Variants in RAB11FIP5 observed in about 807,000 individuals in gnomAD.
RAB11FIP5 encodes the protein RAB11 family interacting protein 5, also known as rab11 family-interacting protein 5.
RAB11FIP5 carries 48 observed loss-of-function variants against 85.1 expected under a neutral mutation model. The ratio of observed to expected loss-of-function variants is 0.56; its 90% CI spans 0.45 to 0.72. RAB11FIP5 has a LOEUF of 0.72. RAB11FIP5 is among the 30% of genes least tolerant of loss of function. RAB11FIP5 has a pLI of 0.00. For missense variants in RAB11FIP5, 1,491 were observed against 1,687.0 expected, an observed-to-expected ratio of 0.88 and a Z score of 2.04; for synonymous variants, 729 against 727.3, an observed-to-expected ratio of 1.00 and a Z score of -0.04.
Position 73,075,170 on chromosome 2 carries a change from T to A in RAB11FIP5, c.*351A>T, listed in dbSNP as rs930981650. ...CCTTGGGGGATAATAAAGTATGTGC[T>A]AGCAACCAGTCTTGTCCCAGATTAC... On this transcript the variant is annotated 3_prime_UTR_variant, in exon 6 of 6. Transcript: ENST00000486777. This position sits in a 1 kb window ranked among gnomAD's most constrained non-coding sequence, Gnocchi z 4.6. 2 of 560,138 alleles carry A rather than the reference T, an allele frequency of 3.6e-6. No homozygotes were observed. The highest frequency in any genetic ancestry group is 6.8e-6 in the Non-Finnish European group (2 of 295,106). 34.7% of individuals were successfully genotyped at this position (560,138 alleles called of 1,614,324 possible). A position where few individuals can be genotyped will look rare whatever the true frequency, so the allele number is the denominator to read the frequency against.
At position 73,088,349 on chromosome 2, in the gene RAB11FIP5, C is replaced by A; in HGVS notation, c.1269G>T (p.Glu423Asp). ...TGCCCTCTGGTAGCCGGGCCCCCTCCTCCTCTCCAGGGTGGCTGGCCCCAG... is the reference window on the plus strand; with the variant it reads ...TGCCCTCTGGTAGCCGGGCCCCCTCATCCTCTCCAGGGTGGCTGGCCCCAG... ...LAPGASHPGE[E>D]EGARLPEGKP... The change falls in exon 3 of 6, where the codon GAG becomes GAT. Residue 423 changes from glutamate (E) to aspartate (D), a missense_variant. This residue lies in a region of RAB11FIP5 where 1,211 missense variants were observed against 1,338.0 expected (regional missense o/e 0.91). Coordinates refer to ENST00000486777, the MANE Select transcript of RAB11FIP5 (RefSeq NM_001371272.1). The A allele has an allele frequency of 6.2e-7, 1 of 1,613,706 alleles. No homozygotes were observed. The highest frequency in any genetic ancestry group is 8.5e-7 in the Non-Finnish European group (1 of 1,180,002).
Position 73,112,356 on chromosome 2 carries a change from TG to T in RAB11FIP5, c.421del (p.Gln141SerfsTer33). The T allele has an allele frequency of 1.9e-6, 3 of 1,585,150 alleles. No individual in the cohort carries two copies. Among genetic ancestry groups the T allele is most frequent in the Non-Finnish European group, 1.7e-6 (2 of 1,172,090 alleles). ...CGCGCCCCCTACTCACTGCGTGTGCTGGGCGCGGCCTGCGCCGAAGACCTCG... is the reference window on the plus strand; with the variant it reads ...CGCGCCCCCTACTCACTGCGTGTGCTGGCGCGGCCTGCGCCGAAGACCTCG... ...LDEVFGAGRAQHTQWYKLHSK... is the reference protein window; with the variant it reads ...LDEVFGAGRAXHTQWYKLHSK... On this transcript the variant is annotated frameshift_variant, in exon 1 of 6. Transcript: ENST00000486777. LOFTEE classifies it high-confidence loss of function.
chr2:73,092,872 G>C (rs1403350916), intron 1 of RAB11FIP5, among the ~76,000 whole-genome samples: 2 of 152,118 alleles, frequency 1.3e-5, no homozygotes, highest in African/African-American at 4.8e-5. Context: ...ACCCAGTCAA[G>C]GGCAGGACTG....
At chr2:73,101,820 C>A (rs1348296197) in intron 1 of RAB11FIP5, among the ~76,000 whole-genome samples, 1 of 152,204 alleles carries the variant, frequency 6.6e-6, no homozygotes, top group East Asian at 1.9e-4. Context: ...ACACCCACCA[C>A]CCCTTAAAGG....
Position 73,081,126 on chromosome 2 carries a change from TCCCCC to T in RAB11FIP5, c.2101_2105del (p.Gly701ArgfsTer37). On this transcript the variant is annotated frameshift_variant, in exon 4 of 6. Transcript: ENST00000486777. LOFTEE classifies it high-confidence loss of function. This position sits in a 1 kb window ranked among gnomAD's most constrained non-coding sequence, Gnocchi z 4.2. ...CTCCTCCTCCTCCTCCTCCTCCTCC[TCCCCC>T]AGGCTCTCCCTGGGGCTCAGCTGCC... 2 of 1,228,794 alleles carry T rather than the reference TCCCCC, an allele frequency of 1.6e-6. No homozygotes were observed. The highest frequency in any genetic ancestry group is 1.6e-5 in the African/African-American group (1 of 61,798). The allele number at this position is 1,228,794 out of a possible 1,614,324, so 76.1% of individuals were successfully genotyped here.
At chr2:73,095,793 AC>A (rs958334098) in intron 1 of RAB11FIP5, among the ~76,000 whole-genome samples, 2 of 152,220 alleles carry the variant, frequency 1.3e-5, no homozygotes, top group African/African-American at 4.8e-5. Context: ...TGCCCTGAGT[AC>A]CCTGAGAAGA....
intron 4 of RAB11FIP5, among the ~76,000 whole-genome samples, chr2:73,076,919 C>T (rs1025746803): frequency 1.3e-5 from 2 of 152,228 alleles, no homozygotes; most frequent in Non-Finnish European, 1.5e-5. Flanking sequence ...CCAAGCCCTG[C>T]TGGTTCTCAC....
Position 73,081,086 on chromosome 2 carries a change from TC to T in RAB11FIP5, c.2145del (p.Ser716AlafsTer31). 8.2e-7 allele frequency: 1 copy of T among 1,224,238 alleles called. No homozygotes were observed. The highest frequency in any genetic ancestry group is 1.0e-6 in the Non-Finnish European group (1 of 989,002). The allele number at this position is 1,224,238 out of a possible 1,614,324, so 75.8% of individuals were successfully genotyped here. ...GGGGGGGGRG[G>X]SSVWLEPRVP... is the part of the protein sequence containing the mutation. Reference sequence around the variant, plus strand: ...ACCCTGGGCTCCAGCCACACGCTGCTCCCACCTCTTCCTCCTCCTCCTCCTC... The same window carrying T: ...ACCCTGGGCTCCAGCCACACGCTGCTCCACCTCTTCCTCCTCCTCCTCCTC... On this transcript the variant is annotated frameshift_variant, in exon 4 of 6. Coordinates refer to ENST00000486777, the MANE Select transcript of RAB11FIP5 (RefSeq NM_001371272.1). LOFTEE classifies it high-confidence loss of function. This position sits in a 1 kb window ranked among gnomAD's most constrained non-coding sequence, Gnocchi z 4.2.
At chr2:73,109,694 G>A (rs1456869718) in intron 1 of RAB11FIP5, among the ~76,000 whole-genome samples, 2 of 152,326 alleles carry the variant, frequency 1.3e-5, no homozygotes, top group East Asian at 3.9e-4. Flanking sequence ...TGGGCCTCTT[G>A]CAGCAAATAG....
chr2:73,079,625 A>G (rs1683928195), intron 4 of RAB11FIP5, 26 bp downstream of exon 4: 1 of 1,232,612 alleles, frequency 8.1e-7, no homozygotes, highest in African/African-American at 1.6e-5. Context: ...TTCCTCCTGG[A>G]CAGTGTTCTG....
rs1683943093 is a variant in RAB11FIP5, at chr2:73,080,115, T to C, written c.3117A>G (p.Val1039=). The C allele has an allele frequency of 8.1e-7, 1 of 1,232,182 alleles. No homozygotes were observed. The highest frequency in any genetic ancestry group is 3.2e-5 in the East Asian group (1 of 31,684). The allele number at this position is 1,232,182 out of a possible 1,614,324, so 76.3% of individuals were successfully genotyped here. A position where few individuals can be genotyped will look rare whatever the true frequency, so the allele number is the denominator to read the frequency against. ...EAPEAQGQDP[V]GEGLGSLSAT... is the part of the protein sequence containing the mutation. ...CTGACAAGGACCCAAGCCCCTCTCC[T>C]ACTGGATCCTGGCCCTGGGCCTCAG... is the stretch of plus-strand genomic sequence containing the variant. The change falls in exon 4 of 6, where the codon GTA becomes GTG. Residue 1039 remains valine (V), a synonymous_variant. Transcript: ENST00000486777.
rs762320972 is a variant in RAB11FIP5, at chr2:73,112,387, G to A, written c.391C>T (p.Leu131=). The change falls in exon 1 of 6, where the codon CTG becomes TTG. Residue 131 remains leucine, a synonymous_variant. Transcript: ENST00000486777. ...DKFLGQATVA[L]DEVFGAGRAQ... is the part of the protein sequence containing the mutation. ...CGGCCTGCGCCGAAGACCTCGTCCA[G>A]CGCCACCGTGGCCTGGCCCAGGAAC... 1.2e-6 allele frequency: 2 copies of A among 1,601,034 alleles called. No homozygotes were observed.
At position 73,081,733 on chromosome 2, in the gene RAB11FIP5, C is replaced by A; in HGVS notation, c.1569-70G>T. On this transcript the variant is annotated intron_variant, in intron 3 of 5. Coordinates refer to ENST00000486777, the MANE Select transcript of RAB11FIP5 (RefSeq NM_001371272.1). This position sits in a 1 kb window ranked among gnomAD's most constrained non-coding sequence, Gnocchi z 4.2. ...ACTGGAAAGGCCCCTGAGTCCCACG[C>A]CCCACCCCCTGCTTCGGGACCAGGG... 1 of 1,198,606 alleles carries A rather than the reference C, an allele frequency of 8.3e-7. No individual in the cohort carries two copies. The highest frequency in any genetic ancestry group is 1.0e-6 in the Non-Finnish European group (1 of 957,622). The allele number at this position is 1,198,606 out of a possible 1,614,324, so 74.2% of individuals were successfully genotyped here.
Position 73,112,759 on chromosome 2 carries a change from C to G in RAB11FIP5, c.19G>C (p.Ala7Pro). Residue 7 changes from alanine (A) to proline (P), a missense_variant, in exon 1 of 6, where the codon GCG (alanine) becomes CCG (proline). Physicochemically the swap from Ala to Pro is conservative, Grantham distance 27. Coordinates refer to ENST00000486777, the MANE Select transcript of RAB11FIP5 (RefSeq NM_001371272.1). The part of the protein sequence containing the change: MALVRG[A>P]EPAAGPSRWL... ...CGGGAAGGCCCCGCCGCCGGCTCCG[C>G]GCCCCGCACCAGGGCCATGGCGGAG... 2 of 1,465,526 alleles carry G rather than the reference C, an allele frequency of 1.4e-6. No homozygotes were observed. Among genetic ancestry groups the G allele is most frequent in the South Asian group, 2.8e-5 (2 of 71,468 alleles). The allele number at this position is 1,465,526 out of a possible 1,614,324, so 90.8% of individuals were successfully genotyped here.
chr2:73,079,551 A>C, intron 4 of RAB11FIP5, 100 bp downstream of exon 4: 1 of 1,217,872 alleles, frequency 8.2e-7, no homozygotes, highest in Non-Finnish European at 1.0e-6. Flanking sequence ...CCTGCCCCAC[A>C]AAGGATGAGA....
Position 73,089,911 on chromosome 2 carries a change from ACACAC to A in RAB11FIP5, c.432-601_432-597del, listed in dbSNP as rs2106111374. Among the ~76,000 whole-genome samples the A allele has an allele frequency of 2.2e-5, 3 of 138,594 alleles. No homozygotes were observed. The South Asian group carries it at 6.8e-4, about 32-fold the overall frequency. The allele number at this position is 138,594 out of a possible 152,430, so 90.9% of individuals were successfully genotyped here. ...CACACACACACACACACACACACAC[ACACAC>A]CTCACTCACACACTGACTCACCCCA... On this transcript the variant is annotated intron_variant, in intron 1 of 5. Coordinates refer to ENST00000486777, the MANE Select transcript of RAB11FIP5 (RefSeq NM_001371272.1). This position sits in a 1 kb window ranked among gnomAD's most constrained non-coding sequence, Gnocchi z 4.6.
rs1358244124 is a variant in RAB11FIP5 at position 73,095,977 on chromosome 2, T to C, written c.432-6662A>G. On this transcript the variant is annotated intron_variant, in intron 1 of 5. Coordinates refer to ENST00000486777, the MANE Select transcript of RAB11FIP5 (RefSeq NM_001371272.1). ...TTGTCCGAGAGCAGCCCAGCCTCCC[T>C]CAGAAGCCATCAGGGTCCAGAATTC... 3.3e-5 allele frequency among the ~76,000 whole-genome samples: 5 copies of C among 152,238 alleles called. No individual in the cohort carries two copies. In the East Asian group the frequency reaches 9.7e-4, roughly 29 times the overall value.
At position 73,088,560 on chromosome 2, in the gene RAB11FIP5, C is replaced by T. The variant is rs139373228; in HGVS notation, c.1058G>A (p.Arg353Gln). The change falls in exon 3 of 6, where the codon CGG (arginine) becomes CAG (glutamine). Residue 353 changes from arginine (R) to glutamine (Q), a missense_variant. Physicochemically the swap from Arg to Gln is conservative, Grantham distance 43. Coordinates refer to ENST00000486777, the MANE Select transcript of RAB11FIP5 (RefSeq NM_001371272.1). ...IYNEEPQGPV[R>Q]HRSSISGSLP... ...CGAGCCCGAGATGGAGCTGCGGTGC[C>T]GCACAGGGCCCTGGGGCTCCTCATT... The T allele has an allele frequency of 2.9e-5, 47 of 1,613,904 alleles. No homozygotes were observed. The African/African-American group carries it at 3.3e-4, about 11-fold the overall frequency.
At chr2:73,085,375 A>C (rs534353339) in intron 3 of RAB11FIP5, among the ~76,000 whole-genome samples, 1 of 152,164 alleles carries the variant, frequency 6.6e-6, no homozygotes, top group South Asian at 2.1e-4. Flanking sequence ...ATAGAGTCCT[A>C]TGGTTAGTGT....
Sources: allele counts gnomAD v4.1 joint callset (sites outside exome capture counted in the v4.1 genomes callset), GRCh38; gene constraint gnomAD v4.1.1; regional missense constraint gnomAD v4.1.1; non-coding constraint Gnocchi (gnomAD v3.1); transcripts MANE v1.5; gene names NCBI Gene and HGNC (gene_info 2026-07-23, HGNC 2026-07-21).